MAP4: variants seen among roughly 807,000 people sequenced by gnomAD.
MAP4 encodes microtubule associated protein 4.
MAP4 carries 76 observed loss-of-function variants against 170.2 expected under a neutral mutation model. The observed-to-expected ratio is 0.45, with a 90% confidence interval of 0.37 to 0.54. The LOEUF (loss-of-function observed/expected upper bound fraction) is 0.54. MAP4 is among the 20% of genes least tolerant of loss of function. The pLI is 0.00. For synonymous variants in MAP4, 909 were observed against 994.5 expected (o/e 0.91, Z 1.62); for missense variants, 2,506 against 2,748.0 (o/e 0.91, Z 1.97).
At chr3:47,953,521 CTAAA>C (rs957667966) in intron 3 of MAP4, among the ~76,000 whole-genome samples, 1 of 151,998 alleles carries the variant, frequency 6.6e-6, no homozygotes, top group African/African-American at 2.4e-5. Flanking sequence ...GAGCCTGTCT[CTAAA>C]TAAATAAATA....
At chr3:47,973,844 T>G in intron 3 of MAP4, 1 of 985,376 alleles carries the variant, frequency 1.0e-6, no homozygotes, top group Non-Finnish European at 1.2e-6. Flanking sequence ...GAAAGGGTTG[T>G]GTTTTCTTTG....
intron 10 of MAP4, among the ~76,000 whole-genome samples, chr3:47,886,544 C>G (rs1559906858): frequency 6.6e-6 from 1 of 152,204 alleles, no homozygotes; most frequent in East Asian, 1.9e-4. Flanking sequence ...CTCAAGTAAT[C>G]TGCCTGCCAA....
chr3:48,063,067 T>A (rs998760706), intron 1 of MAP4, among the ~76,000 whole-genome samples: 4 of 151,414 alleles, frequency 2.6e-5, no homozygotes, highest in African/African-American at 9.7e-5. Context: ...CATCAGAGAA[T>A]TGCCAATTAA....
intron 3 of MAP4, among the ~76,000 whole-genome samples, chr3:47,945,783 G>A (rs1350865897): frequency 1.3e-5 from 2 of 150,646 alleles, no homozygotes; most frequent in African/African-American, 4.9e-5. Flanking sequence ...GCAGTGGAGC[G>A]ATCTTGGCTC....
At chr3:48,045,519 G>C (rs1471197620) in intron 1 of MAP4, among the ~76,000 whole-genome samples, 3 of 152,026 alleles carry the variant, frequency 2.0e-5, no homozygotes, top group Middle Eastern at 3.2e-3. Context: ...ATGATCTTCT[G>C]AGGTGGAAGA....
At chr3:47,979,430 TACCA>T (rs2100084168) in intron 2 of MAP4, among the ~76,000 whole-genome samples, 1 of 152,160 alleles carries the variant, frequency 6.6e-6, no homozygotes, top group Non-Finnish European at 1.5e-5. Flanking sequence ...ATTTTGCCAA[TACCA>T]TCCTGTCTTG....
chr3:47,977,740 A>C, intron 3 of MAP4, 125 bp downstream of exon 3: 1 of 645,886 alleles, frequency 1.5e-6, no homozygotes, highest in Non-Finnish European at 2.8e-6. Flanking sequence ...ACCTCCAACA[A>C]GAACACTACC....
intron 3 of MAP4, among the ~76,000 whole-genome samples, chr3:47,958,596 A>C (rs2100069286): frequency 6.6e-6 from 1 of 151,994 alleles, no homozygotes; most frequent in African/African-American, 2.4e-5. Flanking sequence ...GACTCACTGC[A>C]ACCTCCGCCT....
intron 10 of MAP4, chr3:47,891,237 A>G: frequency 6.5e-7 from 1 of 1,536,234 alleles, no homozygotes; most frequent in Non-Finnish European, 8.7e-7. Context: ...CTATGGAGAT[A>G]TAATCCAGCA....
chr3:47,985,767 G>A (rs1559708947), intron 2 of MAP4, among the ~76,000 whole-genome samples: 1 of 152,146 alleles, frequency 6.6e-6, no homozygotes, highest in Non-Finnish European at 1.5e-5. Context: ...GAAGAGACAT[G>A]AAAACTAACG....
At chr3:47,896,746 T>A (rs1251199918) in intron 10 of MAP4, among the ~76,000 whole-genome samples, 1 of 152,098 alleles carries the variant, frequency 6.6e-6, no homozygotes, top group Middle Eastern at 3.4e-3. Flanking sequence ...AGAAACAACA[T>A]ATAAATCGTA....
intron 10 of MAP4, among the ~76,000 whole-genome samples, chr3:47,889,800 C>T (rs1464781978): frequency 3.3e-5 from 5 of 152,018 alleles, no homozygotes; most frequent in Non-Finnish European, 5.9e-5. Flanking sequence ...TAGAAGGAAG[C>T]AACAGCATGG....
At chr3:48,071,024 C>CA (rs1170244641) in intron 1 of MAP4, among the ~76,000 whole-genome samples, 1 of 151,398 alleles carries the variant, frequency 6.6e-6, no homozygotes, top group Non-Finnish European at 1.5e-5. Flanking sequence ...GACCTTGTCT[C>CA]AAAAAAATAA....
At chr3:48,059,514 CAAAAA>C (rs762700404) in intron 1 of MAP4, among the ~76,000 whole-genome samples, 1 of 18,006 alleles carries the variant, frequency 5.6e-5, no homozygotes, top group African/African-American at 1.3e-4. Context: ...GACTCCATCT[CAAAAA>C]AAAAAAAAAA....
chr3:47,901,538 C>T (rs1318930796), intron 10 of MAP4, among the ~76,000 whole-genome samples: 8 of 151,762 alleles, frequency 5.3e-5, no homozygotes, highest in Admixed American at 4.6e-4. Flanking sequence ...TAGCCGGGCA[C>T]GGAGGCACGC....
chr3:47,885,853 C>T (rs879401889), intron 10 of MAP4, among the ~76,000 whole-genome samples: 18 of 151,972 alleles, frequency 1.2e-4, no homozygotes, highest in African/African-American at 7.2e-5. Context: ...CTCAGCCTCC[C>T]GAGTAGCCGG....
At chr3:48,072,594 G>A (rs2100141567) in intron 1 of MAP4, among the ~76,000 whole-genome samples, 1 of 152,112 alleles carries the variant, frequency 6.6e-6, no homozygotes, top group African/African-American at 2.4e-5. Context: ...TCAAATTAAT[G>A]TTCCTATTCT....
At chr3:48,081,695 C>T (rs933791381) in intron 1 of MAP4, among the ~76,000 whole-genome samples, 1 of 151,954 alleles carries the variant, frequency 6.6e-6, no homozygotes, top group Non-Finnish European at 1.5e-5. Flanking sequence ...CAGACAGATA[C>T]GGAAGTAAAC....
chr3:47,948,083 T>C (rs2100061295), intron 3 of MAP4, among the ~76,000 whole-genome samples: 1 of 150,460 alleles, frequency 6.6e-6, no homozygotes, highest in African/African-American at 2.4e-5. Flanking sequence ...CTGCAACCTC[T>C]GCCTCCTGGG....
Sources: allele counts gnomAD v4.1 joint callset (sites outside exome capture counted in the v4.1 genomes callset), GRCh38; gene constraint gnomAD v4.1.1; transcripts MANE v1.5; gene names NCBI Gene and HGNC (gene_info 2026-07-23, HGNC 2026-07-21).